Variants in KIAA1614 observed in about 807,000 individuals in gnomAD.
KIAA1614 encodes KIAA1614, also known as uncharacterized protein KIAA1614.
In KIAA1614, 76 loss-of-function variants were observed where a neutral mutation model predicts 88.7. That is an observed-to-expected ratio of 0.86 (90% confidence interval 0.71 to 1.04). The LOEUF (loss-of-function observed/expected upper bound fraction) is 1.04, where lower values mean the gene tolerates loss of function less well. Among genes scored for constraint, KIAA1614 ranks in the 50% least tolerant of loss-of-function variants. KIAA1614 has a pLI of 0.00. For missense variants in KIAA1614, 1,553 were observed against 1,582.5 expected, an observed-to-expected ratio of 0.98 and a Z score of 0.32; for synonymous variants, 714 against 675.5, an observed-to-expected ratio of 1.06 and a Z score of -0.88.
rs768048832 is a variant in KIAA1614 at position 180,938,642 on chromosome 1, A to C, written c.2849A>C (p.Glu950Ala). Residue 950 changes from glutamate to alanine, a missense_variant, in exon 6 of 9, where the codon GAG becomes GCG. Coordinates refer to ENST00000367588, the MANE Select transcript of KIAA1614 (RefSeq NM_020950.2). ...CTCTCCCTGTCCTCAGAGGAGTCAG[A>C]GTCCAGCAAGGAATCAGAGGGAAGC... Reference protein sequence around the residue: ...ITLSLSSEESESSKESEGSLQ... With the variant: ...ITLSLSSEESASSKESEGSLQ... 6.2e-7 allele frequency: 1 copy of C among 1,614,196 alleles called. No homozygotes were observed. Among genetic ancestry groups the C allele is most frequent in the Non-Finnish European group, 8.5e-7 (1 of 1,180,016 alleles).
chr1:180,919,177 C>A (rs147878321), intron 3 of KIAA1614, among the ~76,000 whole-genome samples: 1 of 152,200 alleles, frequency 6.6e-6, no homozygotes, highest in African/African-American at 2.4e-5. Context: ...CCTCCACCCC[C>A]GCACCTGCCT....
chr1:180,931,063 G>A (rs1050936274), intron 4 of KIAA1614, among the ~76,000 whole-genome samples: 2 of 152,244 alleles, frequency 1.3e-5, no homozygotes, highest in Non-Finnish European at 2.9e-5. Flanking sequence ...CTGGCTAGAG[G>A]CAGCTGGGGC....
chr1:180,935,857 C>CG lies in KIAA1614; in HGVS notation c.1952dup (p.Ser652LeufsTer13). 6.2e-7 allele frequency: 1 copy of CG among 1,613,690 alleles called. No homozygotes were observed. The highest frequency in any genetic ancestry group is 8.5e-7 in the Non-Finnish European group (1 of 1,179,902). On this transcript the variant is annotated frameshift_variant, in exon 5 of 9. Transcript: ENST00000367588. LOFTEE classifies it high-confidence loss of function. The surrounding 1 kb of genome is among the most constrained non-coding windows in gnomAD (Gnocchi z 6.1). Reference sequence around the variant, plus strand: ...AGGCAGCAGCCCGCGACTGCGACTGCGGGGCTCCAGGCCTCGAGGCCACAG... The same window carrying CG: ...AGGCAGCAGCCCGCGACTGCGACTGCGGGGGCTCCAGGCCTCGAGGCCACAG...
intron 8 of KIAA1614, 38 bp from the exon 9 acceptor site, chr1:180,945,265 T>C (rs771895249): frequency 6.4e-7 from 1 of 1,558,502 alleles, no homozygotes; most frequent in Non-Finnish European, 8.6e-7. Flanking sequence ...CAGTGCCTGA[T>C]GCTTTTTGCC....
intron 3 of KIAA1614, among the ~76,000 whole-genome samples, chr1:180,920,158 C>T (rs1015451919): frequency 3.3e-5 from 5 of 152,146 alleles, no homozygotes; most frequent in African/African-American, 4.8e-5. Flanking sequence ...GATAGGGTTC[C>T]CTGTCTGGCT....
intron 6 of KIAA1614, among the ~76,000 whole-genome samples, chr1:180,940,426 G>A (rs542812296): frequency 4.4e-4 from 67 of 152,228 alleles, no homozygotes; most frequent in Admixed American, 1.7e-3. Context: ...GCTTGAACCT[G>A]GGTGGCAGAG....
intron 1 of KIAA1614, 33 bp downstream of exon 1, chr1:180,913,326 G>A (rs949548779): frequency 1.6e-6 from 2 of 1,231,962 alleles, no homozygotes; most frequent in African/African-American, 1.6e-5. Flanking sequence ...CGGGCCGGCC[G>A]GGCGGGGGTG....
Position 180,938,579 on chromosome 1 carries a change from C to A in KIAA1614, c.2786C>A (p.Ser929Ter). The change falls in exon 6 of 9, where the codon TCA (serine) becomes TAA (stop). Residue 929 changes from serine (S) to a stop codon, truncating the protein, a stop_gained. Coordinates refer to ENST00000367588, the MANE Select transcript of KIAA1614 (RefSeq NM_020950.2). LOFTEE classifies it high-confidence loss of function. ...RDGGPQGFLG[S>*]ADVATINSTG... ...GGAGGACCCCAGGGCTTTCTTGGCT[C>A]AGCAGATGTTGCCACCATCAACTCC... The A allele has an allele frequency of 6.2e-7, 1 of 1,614,156 alleles. No individual in the cohort carries two copies. Among genetic ancestry groups the A allele is most frequent in the Non-Finnish European group, 8.5e-7 (1 of 1,179,988 alleles).
chr1:180,921,958 C>T (rs373696831), intron 3 of KIAA1614, among the ~76,000 whole-genome samples: 1 of 152,224 alleles, frequency 6.6e-6, no homozygotes, highest in African/African-American at 2.4e-5. Flanking sequence ...ATCCCGGTAA[C>T]CTAGCGCAAG....
intron 3 of KIAA1614, among the ~76,000 whole-genome samples, chr1:180,918,306 A>G (rs1653866880): frequency 6.6e-6 from 1 of 152,180 alleles, no homozygotes; most frequent in African/African-American, 2.4e-5. Context: ...CACTGGGGAA[A>G]ATGTACAAAG....
intron 8 of KIAA1614, chr1:180,945,073 G>T: frequency 1.9e-6 from 1 of 520,538 alleles, no homozygotes; most frequent in Non-Finnish European, 3.3e-6. Context: ...ACTGCTTTGG[G>T]AGGGTGGGGT....
rs766456023 is a variant in KIAA1614 at position 180,916,926 on chromosome 1, CGCTGGAGA to C, written c.832_839del (p.Ala278ProfsTer15). ...CCCCAGGACGGCCCTGCTGGGTGAG[CGCTGGAGA>C]GCTGGAGACCTGGAGGCTCTGGGCG... On this transcript the variant is annotated frameshift_variant, in exon 2 of 9. Transcript: ENST00000367588. LOFTEE classifies it high-confidence loss of function. 1.2e-6 allele frequency: 2 copies of C among 1,614,088 alleles called. No homozygotes were observed. The highest frequency in any genetic ancestry group is 2.2e-5 in the South Asian group (2 of 91,088).
In KIAA1614 at chr1:180,916,356, T is replaced by G. The variant is rs1653798467; in HGVS notation, c.253T>G (p.Ser85Ala). Residue 85 changes from serine to alanine, a missense_variant, in exon 2 of 9, where the codon TCC becomes GCC. Ser to Ala is a moderately conservative substitution (Grantham distance 99). Coordinates refer to ENST00000367588, the MANE Select transcript of KIAA1614 (RefSeq NM_020950.2). ...GCTCCAGGGCCCCTCTGTGCTGGAA[T>G]CCAAGGTGAGGGCTTTGAAGGAGAA... is the stretch of plus-strand genomic sequence containing the variant. ...VQLQGPSVLESKVRALKEKMT... is the reference protein window; with the variant it reads ...VQLQGPSVLEAKVRALKEKMT... The G allele has an allele frequency of 6.2e-7, 1 of 1,614,008 alleles. No individual in the cohort carries two copies. The highest frequency in any genetic ancestry group is 8.5e-7 in the Non-Finnish European group (1 of 1,180,028).
rs79046659 is a variant in KIAA1614, at chr1:180,944,792, T to A, written c.3287+276T>A. The stretch of plus-strand genomic sequence containing the variant: ...ATTCCACTGTCCCTCTGCTGTGCAA[T>A]GACATCTTGAAATCAGAAAGTTTAG... On this transcript the variant is annotated intron_variant, in intron 8 of 8. Coordinates refer to ENST00000367588, the MANE Select transcript of KIAA1614 (RefSeq NM_020950.2). 1,945 of 288,694 alleles carry A rather than the reference T, an allele frequency of 6.7e-3. 35 individuals are homozygous for A. The highest frequency in any genetic ancestry group is 0.039 in the African/African-American group (1,798 of 45,908). The allele number at this position is 288,694 out of a possible 1,614,324, so 17.9% of individuals were successfully genotyped here.
chr1:180,945,512 C>G lies in KIAA1614; in HGVS notation c.3497C>G (p.Pro1166Arg). 6.2e-7 allele frequency: 1 copy of G among 1,613,730 alleles called. No homozygotes were observed. Among genetic ancestry groups the G allele is most frequent in the South Asian group, 1.1e-5 (1 of 91,062 alleles). Residue 1166 changes from proline (P) to arginine (R), a missense_variant, in exon 9 of 9, where the codon CCC becomes CGC. Transcript: ENST00000367588. ...DSGMPSPLPQ[P>R]HGWGGLSKQG... Reference sequence around the variant, plus strand: ...GGTATGCCCTCTCCTCTTCCTCAGCCCCATGGCTGGGGCGGCCTTAGCAAA... The same window carrying G: ...GGTATGCCCTCTCCTCTTCCTCAGCGCCATGGCTGGGGCGGCCTTAGCAAA...
Position 180,945,829 on chromosome 1 carries a change from G to A in KIAA1614, c.*241G>A. On this transcript the variant is annotated 3_prime_UTR_variant, in exon 9 of 9. Coordinates refer to ENST00000367588, the MANE Select transcript of KIAA1614 (RefSeq NM_020950.2). ...TCTTGAAATTAGAAGCTTAGGCCGGGCGCAGTGGCTCATGCCTGTAATCCC... is the reference window on the plus strand; with the variant it reads ...TCTTGAAATTAGAAGCTTAGGCCGGACGCAGTGGCTCATGCCTGTAATCCC... The A allele has an allele frequency of 7.7e-7, 1 of 1,303,360 alleles. No homozygotes were observed. The highest frequency in any genetic ancestry group is 9.7e-7 in the Non-Finnish European group (1 of 1,032,974). The allele number at this position is 1,303,360 out of a possible 1,614,324, so 80.7% of individuals were successfully genotyped here. A position where few individuals can be genotyped will look rare whatever the true frequency, so the allele number is the denominator to read the frequency against.
chr1:180,918,956 C>A (rs1318508080), intron 3 of KIAA1614, among the ~76,000 whole-genome samples: 1 of 152,152 alleles, frequency 6.6e-6, no homozygotes, highest in South Asian at 2.1e-4. Flanking sequence ...TTGGTTGATT[C>A]ATAGATGGTG....
intron 3 of KIAA1614, among the ~76,000 whole-genome samples, chr1:180,923,816 G>T (rs12748054): frequency 0.27 from 40,715 of 151,576 alleles, 5,803 homozygotes; most frequent in South Asian, 0.44. Context: ...GGCTGTAGAG[G>T]TGGCTGAGAA....
At chr1:180,915,821 C>T (rs953525102) in intron 1 of KIAA1614, among the ~76,000 whole-genome samples, 1 of 152,138 alleles carries the variant, frequency 6.6e-6, no homozygotes, top group East Asian at 1.9e-4. Context: ...TTCATAGGAG[C>T]ACAAATTTTA....
Sources: gnomAD v4.1 joint callset for allele counts (sites outside exome capture counted in the v4.1 genomes callset) on GRCh38, gnomAD v4.1.1 for gene constraint, Gnocchi (gnomAD v3.1) non-coding constraint, MANE v1.5 for transcripts, NCBI Gene and HGNC (gene_info 2026-07-23, HGNC 2026-07-21) for gene names.